The following NAALADL2 variants were observed in gnomAD, a reference collection of about 807,000 sequenced individuals.
The protein encoded by NAALADL2 is N-acetylated alpha-linked acidic dipeptidase like 2.
NAALADL2 carries 76 observed loss-of-function variants against 87.2 expected under a neutral mutation model. That is an observed-to-expected ratio of 0.87 (90% CI 0.72 to 1.05). The LOEUF is 1.05. Among genes scored for constraint, NAALADL2 ranks in the 50% least tolerant of loss-of-function variants. The pLI is 0.00. For synonymous variants in NAALADL2, 354 were observed against 331.0 expected (o/e 1.07, Z -0.75); for missense variants, 1,089 against 945.8 (o/e 1.15, Z -1.99).
intron 11 of NAALADL2, among the ~76,000 whole-genome samples, chr3:175,667,194 A>AGAAAGAAG (rs1491280477): frequency 3.0e-5 from 3 of 101,498 alleles, no homozygotes. Flanking sequence ...AAAGAAAGAA[A>AGAAAGAAG]GAAAGAAAGA....
chr3:175,168,653 G>A (rs1318218312), intron 2 of NAALADL2, among the ~76,000 whole-genome samples: 2 of 151,366 alleles, frequency 1.3e-5, no homozygotes, highest in African/African-American at 4.8e-5. Flanking sequence ...AATATCAAAG[G>A]CTGAGATATT....
At chr3:174,899,452 C>A (rs1231819038) in intron 1 of NAALADL2, among the ~76,000 whole-genome samples, 1 of 152,070 alleles carries the variant, frequency 6.6e-6, no homozygotes, top group Non-Finnish European at 1.5e-5. Context: ...TTGGTGGTGT[C>A]CTCCAGGTAG....
At chr3:175,061,520 T>G (rs1033556285) in intron 1 of NAALADL2, among the ~76,000 whole-genome samples, 3 of 151,942 alleles carry the variant, frequency 2.0e-5, no homozygotes, top group Non-Finnish European at 4.4e-5. Flanking sequence ...CTGGCTAAAG[T>G]GATGGCAAAA....
At chr3:175,027,462 A>T (rs535569541) in intron 1 of NAALADL2, among the ~76,000 whole-genome samples, 1 of 152,222 alleles carries the variant, frequency 6.6e-6, no homozygotes, top group African/African-American at 2.4e-5. Context: ...ACATAACGGT[A>T]TGATTTTATT....
intron 3 of NAALADL2, among the ~76,000 whole-genome samples, chr3:174,828,723 TC>T (rs1481145392): frequency 6.6e-6 from 1 of 152,190 alleles, no homozygotes; most frequent in Non-Finnish European, 1.5e-5. Flanking sequence ...TGCACATCGC[TC>T]CTGAATTTAC....
chr3:175,466,467 T>G (rs2193841), intron 7 of NAALADL2, among the ~76,000 whole-genome samples: 81,069 of 151,992 alleles, frequency 0.53, 23,436 homozygotes, highest in Non-Finnish European at 0.64. Context: ...GTGAATTTTA[T>G]TTTTTTTCTT....
chr3:174,590,699 A>G (rs1475636197), intron 2 of NAALADL2, among the ~76,000 whole-genome samples: 2 of 152,190 alleles, frequency 1.3e-5, no homozygotes, highest in African/African-American at 4.8e-5. Flanking sequence ...CACAAGCCAT[A>G]TAACTTATCT....
At chr3:174,603,623 G>T (rs985162808) in intron 2 of NAALADL2, among the ~76,000 whole-genome samples, 7 of 151,020 alleles carry the variant, frequency 4.6e-5, no homozygotes, top group African/African-American at 1.7e-4. Context: ...ACTAATTTTG[G>T]GTTTGGTTTG....
rs1466397347 is a variant in NAALADL2, at chr3:175,097,069, C to T, written c.323C>T (p.Thr108Ile). 1 of 1,613,586 alleles carries T rather than the reference C, an allele frequency of 6.2e-7. No individual in the cohort carries two copies. Among genetic ancestry groups the T allele is most frequent in the Admixed American group, 1.7e-5 (1 of 59,932 alleles). ...QRLQEESDYITHYTRSAPKSN... is the reference protein window; with the variant it reads ...QRLQEESDYIIHYTRSAPKSN... ...CTTCAAGAAGAATCTGACTACATTA[C>T]CCATTATACACGATCTGCACCAAAG... Residue 108 changes from threonine (T) to isoleucine (I), a missense_variant, in exon 2 of 14, where the codon ACC becomes ATC. Thr to Ile is a moderately conservative substitution (Grantham distance 89, BLOSUM62 -1). Coordinates refer to ENST00000454872, the MANE Select transcript of NAALADL2 (RefSeq NM_207015.3).
intron 10 of NAALADL2, among the ~76,000 whole-genome samples, chr3:175,625,298 GTTA>G (rs1036776529): frequency 3.3e-5 from 5 of 151,946 alleles, no homozygotes; most frequent in Non-Finnish European, 5.9e-5. Flanking sequence ...CATTATGGGT[GTTA>G]TTACCTTTTT....
At chr3:175,518,430 T>C (rs898958106) in intron 9 of NAALADL2, among the ~76,000 whole-genome samples, 3 of 152,368 alleles carry the variant, frequency 2.0e-5, no homozygotes, top group Admixed American at 6.5e-5. Flanking sequence ...TGTCATTCAG[T>C]GTGGCCACAC....
chr3:175,478,038 A>G (rs1725953168), intron 9 of NAALADL2, among the ~76,000 whole-genome samples: 1 of 152,016 alleles, frequency 6.6e-6, no homozygotes, highest in Non-Finnish European at 1.5e-5. Context: ...TGCTTCCTGT[A>G]AGATATAACA....
At chr3:175,241,490 G>T (rs1243002512) in intron 3 of NAALADL2, among the ~76,000 whole-genome samples, 2 of 152,090 alleles carry the variant, frequency 1.3e-5, no homozygotes, top group Non-Finnish European at 1.5e-5. Flanking sequence ...CAAAGTGCTG[G>T]GATTCCAGGT....
intron 5 of NAALADL2, among the ~76,000 whole-genome samples, chr3:175,391,856 T>C (rs1214896397): frequency 6.6e-6 from 1 of 152,136 alleles, no homozygotes; most frequent in East Asian, 1.9e-4. Flanking sequence ...TTATACTAGA[T>C]GCTCAATGAA....
intron 1 of NAALADL2, among the ~76,000 whole-genome samples, chr3:174,904,041 C>T (rs758952261): frequency 3.3e-5 from 5 of 151,302 alleles, no homozygotes; most frequent in Non-Finnish European, 4.4e-5. Flanking sequence ...AGATATATAT[C>T]TATATCTCTG....
intron 1 of NAALADL2, among the ~76,000 whole-genome samples, chr3:174,491,266 C>A (rs1240678651): frequency 6.6e-6 from 1 of 152,050 alleles, no homozygotes; most frequent in African/African-American, 2.4e-5. Flanking sequence ...TAACTGCAGG[C>A]CATGATTATA....
intron 3 of NAALADL2, among the ~76,000 whole-genome samples, chr3:174,834,321 G>A (rs2109387227): frequency 6.8e-6 from 1 of 146,872 alleles, no homozygotes; most frequent in East Asian, 2.0e-4. Flanking sequence ...CTGAATATGG[G>A]CACCTACATA....
chr3:175,430,670 T>G (rs2149160613), intron 5 of NAALADL2, among the ~76,000 whole-genome samples: 1 of 152,132 alleles, frequency 6.6e-6, no homozygotes, highest in Admixed American at 6.6e-5. Flanking sequence ...CTTCTCTCAG[T>G]TTTTCCTGCC....
intron 1 of NAALADL2, among the ~76,000 whole-genome samples, chr3:174,885,821 C>G (rs1730026471): frequency 7.1e-6 from 1 of 140,558 alleles, no homozygotes; most frequent in South Asian, 2.4e-4. Context: ...CTCACACAAT[C>G]ACAAGTTCCC....
Sources: allele counts gnomAD v4.1 joint callset (sites outside exome capture counted in the v4.1 genomes callset), GRCh38; gene constraint gnomAD v4.1.1; transcripts MANE v1.5; gene names NCBI Gene and HGNC (gene_info 2026-07-23, HGNC 2026-07-21).